Variants in PKHD1 observed in about 807,000 individuals in gnomAD.
PKHD1 encodes the protein fibrocystin.
Under a neutral mutation model 412.0 loss-of-function variants are expected in PKHD1, and 291 were observed. The ratio of observed to expected loss-of-function variants is 0.71; its 90% CI spans 0.64 to 0.78. PKHD1 has a LOEUF of 0.78. PKHD1 is among the 30% of genes least tolerant of loss of function. The probability of loss-of-function intolerance (pLI) is 0.00; values close to 1 mark genes in which losing one functional copy is unlikely to be tolerated. For synonymous variants in PKHD1, 1,777 were observed against 1,821.5 expected (o/e 0.98, Z 0.62); for missense variants, 4,825 against 4,950.7 (o/e 0.97, Z 0.76).
At chr6:52,059,766 G>A (rs576659107) in intron 15 of PKHD1, among the ~76,000 whole-genome samples, 162 bp downstream of exon 15, 68 of 152,270 alleles carry the variant, frequency 4.5e-4, no homozygotes, top group African/African-American at 1.5e-3. Flanking sequence ...TAAATAGTAC[G>A]TTCACATTCA....
chr6:52,082,888 C>T (rs923690117), intron 3 of PKHD1, among the ~76,000 whole-genome samples: 1 of 152,160 alleles, frequency 6.6e-6, no homozygotes, highest in Non-Finnish European at 1.5e-5. Context: ...AGATGCATTG[C>T]TGAGCACTAT....
At chr6:52,041,129 C>CA (rs201911406) in intron 27 of PKHD1, among the ~76,000 whole-genome samples, 394 of 152,210 alleles carry the variant, frequency 2.6e-3, no homozygotes, top group African/African-American at 8.5e-3. Flanking sequence ...AGATTTTCCT[C>CA]AAAAAAATCC....
At chr6:52,029,870 G>A (rs576475259) in intron 29 of PKHD1, among the ~76,000 whole-genome samples, 15 of 152,342 alleles carry the variant, frequency 9.8e-5, no homozygotes, top group Admixed American at 3.3e-4. Flanking sequence ...AGACTTGTAA[G>A]CAAGGAAAAG....
chr6:51,858,695 G>A (rs1223886048), intron 48 of PKHD1, among the ~76,000 whole-genome samples: 1 of 152,084 alleles, frequency 6.6e-6, no homozygotes, highest in Non-Finnish European at 1.5e-5. Context: ...TTTAGTTAAT[G>A]ATTGACCATA....
intron 35 of PKHD1, among the ~76,000 whole-genome samples, chr6:51,976,390 C>T (rs960537567): frequency 1.3e-5 from 2 of 152,120 alleles, no homozygotes; most frequent in African/African-American, 4.8e-5. Flanking sequence ...ATAAACCAAA[C>T]ACAAAAGAAC....
intron 53 of PKHD1, among the ~76,000 whole-genome samples, chr6:51,785,498 A>G (rs1246333864): frequency 6.6e-6 from 1 of 152,222 alleles, no homozygotes; most frequent in Admixed American, 6.5e-5. Flanking sequence ...GTTTTACATG[A>G]AAAGTAATAA....
chr6:51,951,251 G>T (rs1306666899), intron 36 of PKHD1, among the ~76,000 whole-genome samples: 1 of 151,958 alleles, frequency 6.6e-6, no homozygotes, highest in Non-Finnish European at 1.5e-5. Flanking sequence ...AAGTGCTCAA[G>T]GCCTTCAGCT....
chr6:51,702,425 CAG>C (rs970144245), intron 60 of PKHD1, among the ~76,000 whole-genome samples: 2 of 151,488 alleles, frequency 1.3e-5, no homozygotes, highest in Admixed American at 6.6e-5. Flanking sequence ...TTTGGCGACT[CAG>C]GGGAAAAGAT....
chr6:51,874,107 A>T (rs1314110660), intron 46 of PKHD1, among the ~76,000 whole-genome samples: 1 of 152,186 alleles, frequency 6.6e-6, no homozygotes, highest in Non-Finnish European at 1.5e-5. Flanking sequence ...GAAAATGGGA[A>T]ATCACCCCTA....
chr6:51,663,392 T>A (rs1446755119), intron 60 of PKHD1, among the ~76,000 whole-genome samples: 1 of 152,084 alleles, frequency 6.6e-6, no homozygotes, highest in Non-Finnish European at 1.5e-5. Context: ...TAATTATAAA[T>A]AAATAATTAA....
At chr6:51,799,717 C>T (rs1283127483) in intron 52 of PKHD1, among the ~76,000 whole-genome samples, 1 of 152,184 alleles carries the variant, frequency 6.6e-6, no homozygotes, top group African/African-American at 2.4e-5. Flanking sequence ...AAATCCTCAG[C>T]TACAATGACA....
At chr6:52,063,672 G>A (rs1809033527) in intron 13 of PKHD1, among the ~76,000 whole-genome samples, 1 of 152,172 alleles carries the variant, frequency 6.6e-6, no homozygotes, top group African/African-American at 2.4e-5. Flanking sequence ...ACAATGTCTA[G>A]CAGCCTTCCC....
In PKHD1 at chr6:51,887,174, C is replaced by T. The variant is rs200774031; in HGVS notation, c.7068G>A (p.Pro2356=). 3.5e-5 allele frequency: 57 copies of T among 1,613,212 alleles called. No homozygotes were observed. The highest frequency in any genetic ancestry group is 1.6e-4 in the East Asian group (7 of 44,870). ...CAATGTTCTGAGTGAAGGAAAGAAG[C>T]GGAGCTTGTGATGTTTGGTTGGTCA... ...HLMTNQTSQA[P]LLSFTQNIAH... The change falls in exon 44 of 67, where the codon CCG becomes CCA. Residue 2356 remains proline (P), a synonymous_variant. Transcript: ENST00000371117.
intron 8 of PKHD1, 54 bp from the exon 9 acceptor site, chr6:52,071,124 A>C: frequency 8.4e-7 from 1 of 1,186,656 alleles, no homozygotes; most frequent in Non-Finnish European, 1.3e-6. Flanking sequence ...CTACCAGAAG[A>C]TCTGACTCTT....
At chr6:51,684,228 G>C (rs1777118105) in intron 60 of PKHD1, among the ~76,000 whole-genome samples, 1 of 152,076 alleles carries the variant, frequency 6.6e-6, no homozygotes, top group African/African-American at 2.4e-5. Flanking sequence ...CTAAATGTTA[G>C]AAGCAGCCTG....
At chr6:51,939,473 A>G (rs1475843970) in intron 36 of PKHD1, among the ~76,000 whole-genome samples, 2 of 150,952 alleles carry the variant, frequency 1.3e-5, no homozygotes, top group Non-Finnish European at 3.0e-5. Context: ...AACCTCTTCA[A>G]CTCACACCTG....
intron 60 of PKHD1, among the ~76,000 whole-genome samples, chr6:51,739,042 A>T (rs565547345): frequency 1.2e-3 from 178 of 147,184 alleles, no homozygotes; most frequent in African/African-American, 3.1e-3. Flanking sequence ...ATATATATAT[A>T]TTTTTTATTT....
chr6:51,841,657 G>C (rs945676224), intron 50 of PKHD1, among the ~76,000 whole-genome samples: 1 of 152,198 alleles, frequency 6.6e-6, no homozygotes, highest in Non-Finnish European at 1.5e-5. Context: ...TTGCCTTAGA[G>C]GGGCTCAGCA....
intron 52 of PKHD1, among the ~76,000 whole-genome samples, chr6:51,798,875 C>T (rs1355351819): frequency 1.3e-5 from 2 of 152,164 alleles, no homozygotes; most frequent in African/African-American, 2.4e-5. Flanking sequence ...CTCTCATCCA[C>T]AGAGTACTCA....
Sources: allele counts gnomAD v4.1 joint callset (sites outside exome capture counted in the v4.1 genomes callset), GRCh38; gene constraint gnomAD v4.1.1; transcripts MANE v1.5; gene names NCBI Gene and HGNC (gene_info 2026-07-23, HGNC 2026-07-21).